Variants in GABRG3 observed in about 807,000 individuals in gnomAD.
GABRG3 encodes gamma-aminobutyric acid type A receptor subunit gamma3.
A neutral mutation model predicts 48.8 loss-of-function variants in GABRG3; 25 were observed. That is an observed-to-expected ratio of 0.51 (90% CI 0.37 to 0.72). The LOEUF (loss-of-function observed/expected upper bound fraction) is 0.72. Among genes scored for constraint, GABRG3 ranks in the 30% least tolerant of loss-of-function variants. The pLI, the probability that GABRG3 is intolerant of heterozygous loss-of-function variation, is 0.00. For missense variants in GABRG3, 394 were observed against 577.9 expected (o/e 0.68, Z 3.26); for synonymous variants, 227 against 217.6 (o/e 1.04, Z -0.38).
intron 3 of GABRG3, among the ~76,000 whole-genome samples, chr15:27,074,329 C>T (rs1162664229): frequency 2.1e-5 from 3 of 143,912 alleles, no homozygotes; most frequent in South Asian, 4.2e-4. Flanking sequence ...GGCTGTGTTT[C>T]GTCAGAGCCC....
At chr15:27,246,118 G>T (rs925011200) in intron 3 of GABRG3, among the ~76,000 whole-genome samples, 1 of 152,060 alleles carries the variant, frequency 6.6e-6, no homozygotes, top group East Asian at 1.9e-4. Flanking sequence ...AACACCTCCC[G>T]CCAGGCCTCG....
intron 5 of GABRG3, among the ~76,000 whole-genome samples, chr15:27,472,116 G>T (rs995552250): frequency 6.6e-6 from 1 of 151,894 alleles, no homozygotes; most frequent in Non-Finnish European, 1.5e-5. Context: ...TTTAATCTAT[G>T]TTTGGCTCAG....
intron 3 of GABRG3, among the ~76,000 whole-genome samples, chr15:27,265,304 C>T (rs191280188): frequency 2.0e-5 from 3 of 152,194 alleles, no homozygotes; most frequent in East Asian, 1.9e-4. Context: ...AAATGAAACG[C>T]AAAAACAAGT....
intron 1 of GABRG3, among the ~76,000 whole-genome samples, chr15:26,972,310 C>T (rs1369798111): frequency 6.6e-6 from 1 of 152,130 alleles, no homozygotes; most frequent in South Asian, 2.1e-4. Context: ...GTACACCAAC[C>T]GGCTAATGGG....
chr15:27,431,485 T>C (rs1479675018), intron 5 of GABRG3, among the ~76,000 whole-genome samples: 3 of 152,234 alleles, frequency 2.0e-5, no homozygotes, highest in African/African-American at 7.2e-5. Context: ...ATTGTTTTAC[T>C]TCTTCCTTTC....
At chr15:26,979,309 G>C (rs1022071656) in intron 2 of GABRG3, among the ~76,000 whole-genome samples, 7 of 152,010 alleles carry the variant, frequency 4.6e-5, no homozygotes, top group African/African-American at 1.7e-4. Flanking sequence ...GTTCATTCTT[G>C]CTCTCCAATC....
At chr15:27,222,172 G>A (rs1341315492) in intron 3 of GABRG3, among the ~76,000 whole-genome samples, 1 of 152,204 alleles carries the variant, frequency 6.6e-6, no homozygotes, top group Non-Finnish European at 1.5e-5. Context: ...TGCTACACCT[G>A]GGTGGAATCA....
chr15:27,346,721 G>A (rs1477308184), intron 5 of GABRG3, among the ~76,000 whole-genome samples: 1 of 151,836 alleles, frequency 6.6e-6, no homozygotes, highest in Non-Finnish European at 1.5e-5. Flanking sequence ...CAATTCTACT[G>A]ATGACCCCTC....
chr15:27,355,097 G>C (rs1894792448), intron 5 of GABRG3, among the ~76,000 whole-genome samples: 1 of 152,174 alleles, frequency 6.6e-6, no homozygotes, highest in South Asian at 2.1e-4. Context: ...CTAAAGGCCT[G>C]TCTCAGCTGC....
At chr15:27,220,149 C>T (rs1889404442) in intron 3 of GABRG3, among the ~76,000 whole-genome samples, 1 of 152,280 alleles carries the variant, frequency 6.6e-6, no homozygotes, top group South Asian at 2.1e-4. Context: ...AGGCAGGGTA[C>T]ATTTCAGGAA....
chr15:27,281,858 G>A (rs1404394743), intron 3 of GABRG3, among the ~76,000 whole-genome samples: 4 of 151,818 alleles, frequency 2.6e-5, no homozygotes, highest in African/African-American at 9.7e-5. Flanking sequence ...CTTAATTTTT[G>A]TGTTCTAAAT....
chr15:27,357,687 C>T (rs768890188), intron 5 of GABRG3, among the ~76,000 whole-genome samples: 23 of 152,124 alleles, frequency 1.5e-4, no homozygotes, highest in Non-Finnish European at 2.9e-4. Flanking sequence ...TATCTGCTTC[C>T]GCATTCAATC....
chr15:27,439,994 G>T (rs1888735335), intron 5 of GABRG3, among the ~76,000 whole-genome samples: 1 of 152,118 alleles, frequency 6.6e-6, no homozygotes, highest in Non-Finnish European at 1.5e-5. Context: ...TGGCCTATGT[G>T]CACATCCCTG....
chr15:27,073,859 G>GT lies in GABRG3; in HGVS notation c.270+47040dup, dbSNP rs760832940. On this transcript the variant is annotated intron_variant, in intron 3 of 9. Coordinates refer to ENST00000615808, the MANE Select transcript of GABRG3 (RefSeq NM_033223.5). ...GGATCACTGCCAAGCCCTCGTGGTG[G>GT]TTGTTCACATGGATTTCCTCACATC... Among the ~76,000 whole-genome samples, 45 of 152,336 alleles carry GT rather than the reference G, an allele frequency of 3.0e-4. No homozygotes were observed. The Middle Eastern group carries it at 0.01, about 35-fold the overall frequency.
intron 3 of GABRG3, among the ~76,000 whole-genome samples, chr15:27,324,719 T>C (rs1225889541): frequency 1.3e-5 from 2 of 152,206 alleles, no homozygotes; most frequent in East Asian, 3.9e-4. Flanking sequence ...CAGCTTCACA[T>C]GTGCACAGCC....
At chr15:27,140,384 C>T (rs1396333610) in intron 3 of GABRG3, among the ~76,000 whole-genome samples, 1 of 152,146 alleles carries the variant, frequency 6.6e-6, no homozygotes, top group Non-Finnish European at 1.5e-5. Flanking sequence ...AATCCCTACA[C>T]GTTTGGGCAC....
intron 3 of GABRG3, among the ~76,000 whole-genome samples, chr15:27,118,923 C>T (rs1897686529): frequency 6.6e-6 from 1 of 152,198 alleles, no homozygotes; most frequent in Non-Finnish European, 1.5e-5. Flanking sequence ...TCAGTACACA[C>T]TGCCCCAAAA....
intron 3 of GABRG3, among the ~76,000 whole-genome samples, chr15:27,256,698 CAT>C (rs1180646249): frequency 2.0e-5 from 3 of 152,270 alleles, no homozygotes; most frequent in South Asian, 2.1e-4. Context: ...TTAAAAACCA[CAT>C]GATTCCTGGT....
chr15:27,153,481 C>T (rs1898360913), intron 3 of GABRG3, among the ~76,000 whole-genome samples: 1 of 151,966 alleles, frequency 6.6e-6, no homozygotes, highest in African/African-American at 2.4e-5. Context: ...TTGCTTTTAC[C>T]TATAAGTTTT....
Sources: gnomAD v4.1 joint callset for allele counts (sites outside exome capture counted in the v4.1 genomes callset) on GRCh38, gnomAD v4.1.1 for gene constraint, MANE v1.5 for transcripts, NCBI Gene and HGNC (gene_info 2026-07-23, HGNC 2026-07-21) for gene names.